The following SMCHD1 variants were observed in gnomAD, a reference collection of about 807,000 sequenced individuals.
SMCHD1 encodes structural maintenance of chromosomes flexible hinge domain-containing protein 1.
Under a neutral mutation model 254.7 loss-of-function variants are expected in SMCHD1, and 78 were observed. The observed-to-expected ratio is 0.31, with a 90% CI of 0.26 to 0.37. The LOEUF (loss-of-function observed/expected upper bound fraction) is 0.37, where lower values mean the gene tolerates loss of function less well. Among genes scored for constraint, SMCHD1 ranks in the 10% least tolerant of loss-of-function variants. The probability of loss-of-function intolerance (pLI) is 1.00; values close to 1 mark genes in which losing one functional copy is unlikely to be tolerated. For synonymous variants in SMCHD1, 766 were observed against 794.9 expected, an observed-to-expected ratio of 0.96 and a Z score of 0.61; for missense variants, 1,840 against 2,408.1, an observed-to-expected ratio of 0.76 and a Z score of 4.94.
At chr18:2,681,941 A>G (rs138293054) in intron 5 of SMCHD1, among the ~76,000 whole-genome samples, 18 of 152,340 alleles carry the variant, frequency 1.2e-4, no homozygotes, top group African/African-American at 4.3e-4. Flanking sequence ...ATTTTTCCTA[A>G]TATTCCTAAA....
chr18:2,778,036 T>C, intron 43 of SMCHD1, 121 bp downstream of exon 43: 1 of 993,210 alleles, frequency 1.0e-6, no homozygotes, highest in East Asian at 2.6e-5. Context: ...GTTTTATCAG[T>C]TTTTTTAGAG....
intron 29 of SMCHD1, 83 bp downstream of exon 29, chr18:2,744,011 A>G (rs1217396182): frequency 8.2e-7 from 1 of 1,225,082 alleles, no homozygotes; most frequent in Non-Finnish European, 1.1e-6. Context: ...CAGAATAGAT[A>G]TATTTTGTTG....
chr18:2,726,509 AT>A lies in SMCHD1; in HGVS notation c.2760del (p.Arg921AspfsTer10). 7.1e-7 allele frequency: 1 copy of A among 1,410,010 alleles called. No homozygotes were observed. The highest frequency in any genetic ancestry group is 9.7e-7 in the Non-Finnish European group (1 of 1,031,698). 87.3% of individuals were successfully genotyped at this position (1,410,010 alleles called of 1,614,324 possible). On this transcript the variant is annotated frameshift_variant, in exon 22 of 48. Transcript: ENST00000320876. LOFTEE classifies it high-confidence loss of function. ...AAAAGAAGACTCACAGATTTTGAAAATTAGATTACTACCTGGTAATATTATT... is the reference window on the plus strand; with the variant it reads ...AAAAGAAGACTCACAGATTTTGAAAATAGATTACTACCTGGTAATATTATT... ...GLKEDSQILK[I>X]RLLPGHPRRL... is the part of the protein sequence containing the mutation.
At chr18:2,761,525 T>C (rs2075783037) in intron 35 of SMCHD1, among the ~76,000 whole-genome samples, 1 of 152,016 alleles carries the variant, frequency 6.6e-6, no homozygotes, top group South Asian at 2.1e-4. Context: ...CATATAATAC[T>C]GTTGGTATAG....
At chr18:2,777,704 G>A in intron 42 of SMCHD1, 102 bp from the exon 43 acceptor site, 1 of 600,584 alleles carries the variant, frequency 1.7e-6, no homozygotes, top group Non-Finnish European at 2.9e-6. Flanking sequence ...TTGATTGTAT[G>A]ATCAAAATGA....
Position 2,715,811 on chromosome 18 carries a change from G to A in SMCHD1, c.2261-2347G>A, listed in dbSNP as rs563075932. ...GACTGCAGTGAGCTATGATTGTGCC[G>A]CTGAAATTCACCCAGGGCAACAGAG... On this transcript the variant is annotated intron_variant, in intron 17 of 47. Transcript: ENST00000320876. Among the ~76,000 whole-genome samples, 17 of 152,194 alleles carry A rather than the reference G, an allele frequency of 1.1e-4. 1 individual carries two copies. In the Middle Eastern group the frequency reaches 0.01, roughly 92 times the overall value.
intron 39 of SMCHD1, 77 bp downstream of exon 39, chr18:2,770,185 A>C: frequency 7.0e-7 from 1 of 1,428,254 alleles, no homozygotes; most frequent in Non-Finnish European, 9.4e-7. Context: ...TACACAAACA[A>C]GCTTCCACTT....
chr18:2,761,019 G>A (rs1598414432), intron 35 of SMCHD1, among the ~76,000 whole-genome samples: 1 of 152,084 alleles, frequency 6.6e-6, no homozygotes, highest in Non-Finnish European at 1.5e-5. Flanking sequence ...TTAGTGTGTA[G>A]TGTTGTAAAG....
At chr18:2,748,105 A>G (rs1419539399) in intron 30 of SMCHD1, among the ~76,000 whole-genome samples, 1 of 152,184 alleles carries the variant, frequency 6.6e-6, no homozygotes, top group African/African-American at 2.4e-5. Flanking sequence ...GGGCAGAGCT[A>G]CTGGAACATA....
intron 17 of SMCHD1, among the ~76,000 whole-genome samples, chr18:2,710,630 C>T (rs1485587988): frequency 1.3e-5 from 2 of 152,030 alleles, no homozygotes; most frequent in Non-Finnish European, 2.9e-5. Flanking sequence ...ACGGAAATAA[C>T]TTATTCTTTT....
intron 28 of SMCHD1, 49 bp downstream of exon 28, chr18:2,740,870 T>C: frequency 9.5e-7 from 1 of 1,048,208 alleles, no homozygotes; most frequent in South Asian, 1.9e-5. Context: ...CATTGTTATA[T>C]GTGTAACAAA....
chr18:2,718,022 G>A lies in SMCHD1; in HGVS notation c.2261-136G>A, dbSNP rs576021365. On this transcript the variant is annotated intron_variant, in intron 17 of 47. Transcript: ENST00000320876. The surrounding 1 kb of genome is among the most constrained non-coding windows in gnomAD (Gnocchi z 4.6). ...TATTGCTGTTCACTTTCATAGGATA[G>A]TGTTAGATCTTTTGAAGCTTCAAAG... 4.8e-6 allele frequency: 3 copies of A among 620,606 alleles called. No homozygotes were observed. The Admixed American group carries it at 8.8e-5, about 18-fold the overall frequency. The allele number at this position is 620,606 out of a possible 1,614,324, so 38.4% of individuals were successfully genotyped here.
chr18:2,721,289 C>T (rs1368276045), intron 19 of SMCHD1, among the ~76,000 whole-genome samples: 2 of 152,056 alleles, frequency 1.3e-5, no homozygotes, highest in Non-Finnish European at 2.9e-5. Flanking sequence ...TTCTTGTTTA[C>T]TGCTTTTGTA....
chr18:2,708,915 T>TATATATATATATATATATATATAAC (rs1568199419), intron 17 of SMCHD1, among the ~76,000 whole-genome samples: 1 of 90,454 alleles, frequency 1.1e-5, no homozygotes, highest in Admixed American at 1.2e-4. Flanking sequence ...TATAACATAT[T>TATATATATATATATATATATATAAC]AACATGAAAT....
chr18:2,709,210 G>T (rs2074606977), intron 17 of SMCHD1, among the ~76,000 whole-genome samples: 1 of 131,860 alleles, frequency 7.6e-6, no homozygotes, highest in Non-Finnish European at 1.6e-5. Flanking sequence ...ATTCCCTTGT[G>T]TGTGTATATA....
At chr18:2,771,425 G>A (rs2075982395) in intron 39 of SMCHD1, 108 bp from the exon 40 acceptor site, 1 of 760,642 alleles carries the variant, frequency 1.3e-6, no homozygotes. Flanking sequence ...TTTCATTTTA[G>A]CAACAGACAT....
chr18:2,795,997 A>T lies in SMCHD1; in HGVS notation c.5768A>T (p.Asn1923Ile), dbSNP rs754447017. ...RSAVCKLDSV[N>I]KDLNSQLEYL... ...GCTGTGTGCAAACTAGACAGTGTGA[A>T]TAAGGATCTTAACAGTCAATTAGAG... The change falls in exon 46 of 48, where the codon AAT (asparagine) becomes ATT (isoleucine). Residue 1923 changes from asparagine to isoleucine, a missense_variant. Asn to Ile is a moderately radical substitution (Grantham distance 149). Coordinates refer to ENST00000320876, the MANE Select transcript of SMCHD1 (RefSeq NM_015295.3). 6.3e-7 allele frequency: 1 copy of T among 1,598,622 alleles called. No homozygotes were observed.
At chr18:2,691,332 T>G (rs1439257125) in intron 7 of SMCHD1, among the ~76,000 whole-genome samples, 2 of 152,352 alleles carry the variant, frequency 1.3e-5, no homozygotes, top group African/African-American at 4.8e-5. Flanking sequence ...TGTTTTGTGC[T>G]TAGTTCTTCC....
At chr18:2,764,582 T>C (rs1300692159) in intron 37 of SMCHD1, among the ~76,000 whole-genome samples, 2 of 152,194 alleles carry the variant, frequency 1.3e-5, no homozygotes, top group Admixed American at 1.3e-4. Context: ...ATCTGTAGAT[T>C]CAAAAATAAT....
Sources: gnomAD v4.1 joint callset for allele counts (sites outside exome capture counted in the v4.1 genomes callset) on GRCh38, gnomAD v4.1.1 for gene constraint, Gnocchi (gnomAD v3.1) non-coding constraint, MANE v1.5 for transcripts, NCBI Gene and HGNC (gene_info 2026-07-23, HGNC 2026-07-21) for gene names.